Variants in PCNX2 observed in about 807,000 individuals in gnomAD.
The protein encoded by PCNX2 is pecanex 2.
In PCNX2, 168 loss-of-function variants were observed where a neutral mutation model predicts 223.8. That is an observed-to-expected ratio of 0.75 (90% CI 0.66 to 0.85). The LOEUF is 0.85. Ranked by LOEUF, PCNX2 falls within the 40% of genes least tolerant of loss-of-function variation. The probability of loss-of-function intolerance (pLI) is 0.00; values close to 1 mark genes in which losing one functional copy is unlikely to be tolerated. For missense variants in PCNX2, 2,507 were observed against 2,675.5 expected (o/e 0.94, Z 1.39); for synonymous variants, 1,006 against 1,052.6 (o/e 0.96, Z 0.86).
chr1:233,139,737 G>T lies in PCNX2; in HGVS notation c.3636C>A (p.Ser1212Arg). 6.2e-7 allele frequency: 1 copy of T among 1,606,748 alleles called. No homozygotes were observed. The highest frequency in any genetic ancestry group is 8.5e-7 in the Non-Finnish European group (1 of 1,176,176). The change falls in exon 20 of 34, where the codon AGC becomes AGA. Residue 1212 changes from serine (S) to arginine (R), a missense_variant. By Grantham distance (110) the Ser-to-Arg change is moderately radical. Coordinates refer to ENST00000258229, the MANE Select transcript of PCNX2 (RefSeq NM_014801.4). This position sits in a 1 kb window ranked among gnomAD's most constrained non-coding sequence, Gnocchi z 4.4. ...NALTIDAFLISNHRRLGTHWD... is the reference protein window; with the variant it reads ...NALTIDAFLIRNHRRLGTHWD... ...ACTGGGTACCAAGTCTCCGGTGATTGCTTATTAAAAATGCATCAATAGTGA... is the reference window on the plus strand; with the variant it reads ...ACTGGGTACCAAGTCTCCGGTGATTTCTTATTAAAAATGCATCAATAGTGA...
chr1:233,066,049 C>T (rs1295685948), intron 23 of PCNX2, among the ~76,000 whole-genome samples: 1 of 152,206 alleles, frequency 6.6e-6, no homozygotes, highest in Non-Finnish European at 1.5e-5. Flanking sequence ...CATAAAAACC[C>T]TGGACTCAGC....
Position 233,066,979 on chromosome 1 carries a change from TA to T in PCNX2, c.4077-9690del, listed in dbSNP as rs552134952. Among the ~76,000 whole-genome samples the T allele has an allele frequency of 1.5e-3, 225 of 151,988 alleles. 1 individual carries two copies. Among genetic ancestry groups the T allele is most frequent in the African/African-American group, 5.3e-3 (220 of 41,462 alleles). On this transcript the variant is annotated intron_variant, in intron 23 of 33. Coordinates refer to ENST00000258229, the MANE Select transcript of PCNX2 (RefSeq NM_014801.4). The stretch of plus-strand genomic sequence containing the variant: ...TGAACTCCCACCCCCTATCAAGCAA[TA>T]ACAAGAAACTTTCCACCCTCTCCCA...
At chr1:233,050,008 A>G (rs1034886756) in intron 25 of PCNX2, among the ~76,000 whole-genome samples, 1 of 152,016 alleles carries the variant, frequency 6.6e-6, no homozygotes, top group Non-Finnish European at 1.5e-5. Context: ...TTGCTCATGG[A>G]TTGGAAGAAT....
At chr1:233,217,848 C>G (rs1455413768) in intron 12 of PCNX2, 51 bp downstream of exon 12, 1 of 1,610,596 alleles carries the variant, frequency 6.2e-7, no homozygotes, top group Admixed American at 1.7e-5. Context: ...TTTTCCCTGT[C>G]TTCAACACAG....
chr1:233,172,412 T>G, intron 17 of PCNX2: 1 of 985,454 alleles, frequency 1.0e-6, no homozygotes, highest in African/African-American at 1.7e-5. Flanking sequence ...GAACTTGTGC[T>G]GCAAATCCAT....
intron 21 of PCNX2, among the ~76,000 whole-genome samples, chr1:233,119,903 A>C (rs112808435): frequency 0.011 from 1,604 of 152,178 alleles, 36 homozygotes; most frequent in African/African-American, 0.036. Flanking sequence ...GCGGTGGCTA[A>C]TGCCTGTAAT....
At chr1:233,182,322 T>C (rs1435684955) in intron 15 of PCNX2, among the ~76,000 whole-genome samples, 1 of 152,188 alleles carries the variant, frequency 6.6e-6, no homozygotes. Context: ...TTTTCAATGC[T>C]GCTCCAATTT....
intron 25 of PCNX2, among the ~76,000 whole-genome samples, chr1:233,046,845 C>A (rs1262021782): frequency 1.3e-5 from 2 of 152,138 alleles, no homozygotes; most frequent in African/African-American, 4.8e-5. Context: ...GTAATCATAC[C>A]ACTGTGCAAA....
intron 25 of PCNX2, among the ~76,000 whole-genome samples, chr1:233,036,925 T>C (rs994624079): frequency 1.1e-4 from 16 of 152,314 alleles, no homozygotes; most frequent in African/African-American, 3.6e-4. Flanking sequence ...TTCCCTGCGA[T>C]AGCAAAGACT....
intron 17 of PCNX2, chr1:233,167,664 A>G: frequency 1.1e-6 from 1 of 873,404 alleles, no homozygotes; most frequent in Non-Finnish European, 1.4e-6. Context: ...ACCTCATGAC[A>G]TTGTGTTATA....
intron 23 of PCNX2, among the ~76,000 whole-genome samples, chr1:233,085,374 C>T (rs1245994943): frequency 6.6e-6 from 1 of 151,356 alleles, no homozygotes; most frequent in South Asian, 2.1e-4. Flanking sequence ...TTTTGCAGGG[C>T]CCCATTAGGC....
intron 25 of PCNX2, among the ~76,000 whole-genome samples, chr1:233,038,310 T>C (rs1476165963): frequency 6.6e-6 from 1 of 152,198 alleles, no homozygotes; most frequent in Non-Finnish European, 1.5e-5. Flanking sequence ...CTGCCCCGTT[T>C]AAAGATGTGA....
intron 25 of PCNX2, chr1:233,032,148 G>A: frequency 1.2e-6 from 1 of 818,088 alleles, no homozygotes; most frequent in Non-Finnish European, 1.5e-6. Context: ...TGTTGCCCAG[G>A]CTGGAGTGCA....
intron 25 of PCNX2, among the ~76,000 whole-genome samples, chr1:233,049,529 A>G (rs887319228): frequency 1.1e-4 from 16 of 152,042 alleles, no homozygotes; most frequent in African/African-American, 2.9e-4. Flanking sequence ...TGGCTGGAAG[A>G]ATTCCCCTTG....
In PCNX2 at chr1:232,986,434, G is replaced by C; in HGVS notation, c.5898C>G (p.Phe1966Leu). The change falls in exon 33 of 34, where the codon TTC (phenylalanine) becomes TTG (leucine). Residue 1966 changes from phenylalanine (F) to leucine (L), a missense_variant. This residue lies in a region of PCNX2 where 1,372 missense variants were observed against 1,509.4 expected (regional missense o/e 0.91). Transcript: ENST00000258229. ...SGPILESRQTFLQTSTSVHEL... is the reference protein window; with the variant it reads ...SGPILESRQTLLQTSTSVHEL... The stretch of plus-strand genomic sequence containing the variant: ...CGTGCACTGAGGTGGACGTCTGGAG[G>C]AATGTTTGGCGGCTCTCTAAGATGG... 2 of 1,607,420 alleles carry C rather than the reference G, an allele frequency of 1.2e-6. No individual in the cohort carries two copies. Among genetic ancestry groups the C allele is most frequent in the Non-Finnish European group, 1.7e-6 (2 of 1,176,992 alleles).
chr1:233,125,284 G>A (rs1414810157), intron 21 of PCNX2, among the ~76,000 whole-genome samples: 1 of 152,022 alleles, frequency 6.6e-6, no homozygotes, highest in African/African-American at 2.4e-5. Flanking sequence ...TTTGTTTCAC[G>A]GGTCACTTCT....
chr1:233,252,366 T>C lies in PCNX2; in HGVS notation c.2116A>G (p.Ile706Val), dbSNP rs770950549. 6.2e-7 allele frequency: 1 copy of C among 1,606,296 alleles called. No homozygotes were observed. Among genetic ancestry groups the C allele is most frequent in the South Asian group, 1.1e-5 (1 of 89,790 alleles). ...EISVDAMHVF[I>V]DEHGEIRSCY... ...TCCAAAGACTCACCATGTTCATCAA[T>C]GAAGACATGCATAGCATCCACAGAT... The change falls in exon 7 of 34, where the codon ATT becomes GTT. Residue 706 changes from isoleucine to valine, a missense_variant. By Grantham distance (29) the Ile-to-Val change is conservative. Coordinates refer to ENST00000258229, the MANE Select transcript of PCNX2 (RefSeq NM_014801.4).
chr1:233,021,984 T>C (rs1338300892), intron 26 of PCNX2, among the ~76,000 whole-genome samples: 1 of 152,102 alleles, frequency 6.6e-6, no homozygotes, highest in Non-Finnish European at 1.5e-5. Flanking sequence ...AAGGCCTCTG[T>C]AAAAGCCAAC....
intron 23 of PCNX2, chr1:233,058,048 T>C: frequency 1.0e-6 from 1 of 985,360 alleles, no homozygotes; most frequent in Non-Finnish European, 1.2e-6. Context: ...ACCATGAGAA[T>C]GAAAGCTCTC....
Sources: allele counts gnomAD v4.1 joint callset (sites outside exome capture counted in the v4.1 genomes callset), GRCh38; gene constraint gnomAD v4.1.1; regional missense constraint gnomAD v4.1.1; non-coding constraint Gnocchi (gnomAD v3.1); transcripts MANE v1.5; gene names NCBI Gene and HGNC (gene_info 2026-07-23, HGNC 2026-07-21).